ACSS3: variants seen among roughly 807,000 people sequenced by gnomAD.
ACSS3 encodes acyl-CoA synthetase short-chain family member 3, mitochondrial.
Under a neutral mutation model 84.2 loss-of-function variants are expected in ACSS3, and 64 were observed. That is an observed-to-expected ratio of 0.76 (90% CI 0.62 to 0.94). ACSS3 has a LOEUF of 0.94. Among genes scored for constraint, ACSS3 ranks in the 40% least tolerant of loss-of-function variants. ACSS3 has a pLI of 0.00. For missense variants in ACSS3, 815 were observed against 867.6 expected, an observed-to-expected ratio of 0.94 and a Z score of 0.76; for synonymous variants, 317 against 310.1, an observed-to-expected ratio of 1.02 and a Z score of -0.23.
intron 8 of ACSS3, among the ~76,000 whole-genome samples, chr12:81,176,027 T>C (rs2030448729): frequency 6.6e-6 from 1 of 152,012 alleles, no homozygotes; most frequent in South Asian, 2.1e-4. Context: ...AAAATTTAGA[T>C]GCTAAAAAAC....
chr12:81,233,615 C>G, intron 13 of ACSS3, 144 bp downstream of exon 13: 1 of 1,017,672 alleles, frequency 9.8e-7, no homozygotes. Context: ...TCTCTCCCAC[C>G]TCACTTTCTC....
At chr12:81,226,603 C>G (rs114957873) in intron 11 of ACSS3, among the ~76,000 whole-genome samples, 132 of 151,946 alleles carry the variant, frequency 8.7e-4, no homozygotes, top group African/African-American at 3.0e-3. Context: ...CTCTCTACTT[C>G]TACAAATCCC....
rs770303895 is a variant in ACSS3, at chr12:81,134,944, C to G, written c.585C>G (p.His195Gln). ...CATGTGCAAGGATAGGTGCCATCCA[C>G]AGTCTCATATTTGGAGGATTTGCTT... ...MLACARIGAIHSLIFGGFASK... is the reference protein window; with the variant it reads ...MLACARIGAIQSLIFGGFASK... Residue 195 changes from histidine (H) to glutamine (Q), a missense_variant, in exon 3 of 16, where the codon CAC becomes CAG. His to Gln is a conservative substitution (Grantham distance 24). Coordinates refer to ENST00000548058, the MANE Select transcript of ACSS3 (RefSeq NM_024560.4). 4.7e-5 allele frequency: 76 copies of G among 1,606,946 alleles called. No homozygotes were observed. The highest frequency in any genetic ancestry group is 6.0e-5 in the Non-Finnish European group (70 of 1,176,222).
chr12:81,242,645 A>AAAAG (rs2033847671), intron 13 of ACSS3, among the ~76,000 whole-genome samples: 1 of 144,084 alleles, frequency 6.9e-6, no homozygotes, highest in Non-Finnish European at 1.6e-5. Context: ...CAGCACATCA[A>AAAAG]AAAGTTTATC....
At chr12:81,236,370 ATT>A (rs1370114559) in intron 13 of ACSS3, among the ~76,000 whole-genome samples, 1 of 151,434 alleles carries the variant, frequency 6.6e-6, no homozygotes. Context: ...AATTATTGTT[ATT>A]ATTATTAATC....
At chr12:81,229,219 T>C (rs936649153) in intron 11 of ACSS3, among the ~76,000 whole-genome samples, 42 of 151,820 alleles carry the variant, frequency 2.8e-4, no homozygotes, top group Admixed American at 2.0e-3. Flanking sequence ...TATATCATTA[T>C]ATATTTCTTG....
intron 13 of ACSS3, among the ~76,000 whole-genome samples, chr12:81,241,298 A>G (rs1320540910): frequency 2.0e-5 from 3 of 152,028 alleles, no homozygotes; most frequent in Admixed American, 6.6e-5. Flanking sequence ...GTAAACATAC[A>G]TGTGCATGTG....
chr12:81,143,082 ATAT>A lies in ACSS3; in HGVS notation c.781-23_781-21del. 1.9e-6 allele frequency: 3 copies of A among 1,603,798 alleles called. No homozygotes were observed. The African/African-American group carries it at 4.0e-5, about 21-fold the overall frequency. ...TGATTTAATCTCCTTATTACAGTAC[ATAT>A]TCTTATATTTTTGCTGTGTAGGAGG... On this transcript the variant is annotated intron_variant, in intron 4 of 15. Coordinates refer to ENST00000548058, the MANE Select transcript of ACSS3 (RefSeq NM_024560.4).
At chr12:81,146,554 G>A (rs990589876) in intron 5 of ACSS3, among the ~76,000 whole-genome samples, 1 of 152,170 alleles carries the variant, frequency 6.6e-6, no homozygotes, top group Non-Finnish European at 1.5e-5. Context: ...GTTAGAATTT[G>A]TAGATACATT....
At chr12:81,128,061 G>C (rs1024721200) in intron 2 of ACSS3, among the ~76,000 whole-genome samples, 1 of 151,906 alleles carries the variant, frequency 6.6e-6, no homozygotes, top group African/African-American at 2.4e-5. Flanking sequence ...TTTTACTTCT[G>C]TCTGATGCAT....
intron 7 of ACSS3, among the ~76,000 whole-genome samples, chr12:81,169,241 G>C (rs543230628): frequency 2.0e-5 from 3 of 152,138 alleles, no homozygotes; most frequent in Non-Finnish European, 4.4e-5. Flanking sequence ...TAAGAATCAA[G>C]GAAGTCAGTC....
At chr12:81,244,817 C>T (rs746487424) in intron 13 of ACSS3, among the ~76,000 whole-genome samples, 3 of 152,120 alleles carry the variant, frequency 2.0e-5, no homozygotes, top group Admixed American at 6.6e-5. Context: ...ACATATTAAT[C>T]GTAGTTTTAA....
At chr12:81,121,001 G>T in intron 2 of ACSS3, among the ~76,000 whole-genome samples, 1 of 152,166 alleles carries the variant, frequency 6.6e-6, no homozygotes, top group East Asian at 1.9e-4. Flanking sequence ...CACTGTATTT[G>T]TGAATTTTTC....
chr12:81,166,475 T>G (rs753984615), intron 7 of ACSS3, among the ~76,000 whole-genome samples: 1 of 152,130 alleles, frequency 6.6e-6, no homozygotes, highest in South Asian at 2.1e-4. Context: ...AACAGAAACT[T>G]AGGAAATTCT....
At chr12:81,209,589 G>A (rs984473213) in intron 9 of ACSS3, among the ~76,000 whole-genome samples, 31 of 152,030 alleles carry the variant, frequency 2.0e-4, no homozygotes, top group Admixed American at 1.2e-3. Flanking sequence ...CGCAAGAAGG[G>A]GTTCTTGGAC....
intron 2 of ACSS3, among the ~76,000 whole-genome samples, chr12:81,116,587 T>C (rs979777438): frequency 1.3e-5 from 2 of 152,144 alleles, no homozygotes; most frequent in African/African-American, 4.8e-5. Context: ...CTTCTCCTAA[T>C]GTACTGGTTC....
chr12:81,101,526 A>G (rs1475227093), intron 1 of ACSS3, among the ~76,000 whole-genome samples: 1 of 152,160 alleles, frequency 6.6e-6, no homozygotes. Context: ...ATAGATACAC[A>G]GGCAACTTGC....
intron 11 of ACSS3, among the ~76,000 whole-genome samples, chr12:81,227,515 A>C (rs1343028846): frequency 6.6e-6 from 1 of 151,870 alleles, no homozygotes; most frequent in African/African-American, 2.4e-5. Context: ...ACATATTTTA[A>C]GAAATCAATA....
chr12:81,119,535 G>A (rs570153612), intron 2 of ACSS3, among the ~76,000 whole-genome samples: 5 of 152,140 alleles, frequency 3.3e-5, no homozygotes, highest in East Asian at 3.9e-4. Flanking sequence ...ACAGACACTC[G>A]CAGAGCGGCT....
Sources: allele counts gnomAD v4.1 joint callset (sites outside exome capture counted in the v4.1 genomes callset), GRCh38; gene constraint gnomAD v4.1.1; transcripts MANE v1.5; gene names NCBI Gene and HGNC (gene_info 2026-07-23, HGNC 2026-07-21).